UBE3D: variants seen among roughly 807,000 people sequenced by gnomAD.
UBE3D encodes E3 ubiquitin-protein ligase E3D.
A neutral mutation model predicts 49.6 loss-of-function variants in UBE3D; 48 were observed. That is an observed-to-expected ratio of 0.97 (90% confidence interval 0.77 to 1.23). The LOEUF (loss-of-function observed/expected upper bound fraction) is 1.23. Among genes scored for constraint, UBE3D ranks in the 50% most tolerant of loss-of-function variants. The probability of loss-of-function intolerance (pLI) is 0.00; values close to 1 mark genes in which losing one functional copy is unlikely to be tolerated. For synonymous variants in UBE3D, 189 were observed against 174.2 expected (o/e 1.08, Z -0.67); for missense variants, 452 against 468.4 (o/e 0.96, Z 0.32).
At chr6:82,955,474 C>T (rs573512072) in intron 9 of UBE3D, among the ~76,000 whole-genome samples, 1 of 152,232 alleles carries the variant, frequency 6.6e-6, no homozygotes, top group Admixed American at 6.5e-5. Context: ...TGTTTTTCAG[C>T]TTCACTCCTC....
Position 82,969,147 on chromosome 6 carries a change from G to A in UBE3D, c.1011-11697C>T, listed in dbSNP as rs1777159430. Among the ~76,000 whole-genome samples the A allele has an allele frequency of 2.3e-5, 3 of 132,508 alleles. 1 individual carries two copies. The highest frequency in any genetic ancestry group is 9.1e-3 in the Middle Eastern group (2 of 220). 86.9% of individuals were successfully genotyped at this position (132,508 alleles called of 152,430 possible). A position where few individuals can be genotyped will look rare whatever the true frequency, so the allele number is the denominator to read the frequency against. On this transcript the variant is annotated intron_variant, in intron 8 of 9. Coordinates refer to ENST00000369747, the MANE Select transcript of UBE3D (RefSeq NM_198920.3). Reference sequence around the variant, plus strand: ...TTACTTAGAAAGCCTGAGAGACTGTGTTAACAACAAGAGTTAAGAAAATGT... The same window carrying A: ...TTACTTAGAAAGCCTGAGAGACTGTATTAACAACAAGAGTTAAGAAAATGT...
chr6:83,052,676 G>A lies in UBE3D; in HGVS notation c.365+1472C>T, dbSNP rs780394566. ...TTTTGGGGGAGGAGGAATAGGTTGGGGAAAGAGATATGAAATGTGAGGGTG... is the reference window on the plus strand; with the variant it reads ...TTTTGGGGGAGGAGGAATAGGTTGGAGAAAGAGATATGAAATGTGAGGGTG... On this transcript the variant is annotated intron_variant, in intron 3 of 9. Transcript: ENST00000369747. 1.6e-3 allele frequency among the ~76,000 whole-genome samples: 248 copies of A among 152,112 alleles called. 1 individual carries two copies. Among genetic ancestry groups the A allele is most frequent in the Non-Finnish European group, 1.0e-3 (70 of 68,028 alleles).
At chr6:82,944,546 C>T (rs1775258804) in intron 9 of UBE3D, among the ~76,000 whole-genome samples, 1 of 152,142 alleles carries the variant, frequency 6.6e-6, no homozygotes, top group African/African-American at 2.4e-5. Context: ...GCTGTGATGG[C>T]TATGGTGAGA....
At chr6:83,017,054 T>C (rs1780746797) in intron 8 of UBE3D, 2 of 152,176 alleles carry the variant, frequency 1.3e-5, no homozygotes, top group Admixed American at 6.5e-5. Context: ...CCAGGACCAA[T>C]ACTTTGTATC....
At chr6:83,052,182 T>C (rs1463669153) in intron 3 of UBE3D, among the ~76,000 whole-genome samples, 3 of 152,158 alleles carry the variant, frequency 2.0e-5, no homozygotes, top group Non-Finnish European at 2.9e-5. Flanking sequence ...AATAAAAGAA[T>C]TGAGGCACAG....
At chr6:82,931,280 G>C (rs1774129438) in intron 9 of UBE3D, among the ~76,000 whole-genome samples, 1 of 152,256 alleles carries the variant, frequency 6.6e-6, no homozygotes, top group Non-Finnish European at 1.5e-5. Flanking sequence ...AGCCCTCATG[G>C]AGAACTTCTG....
At chr6:82,989,777 T>C (rs3118925) in intron 8 of UBE3D, among the ~76,000 whole-genome samples, 133,240 of 152,174 alleles carry the variant, frequency 0.88, 58,404 homozygotes, top group East Asian at 0.96. Flanking sequence ...AATCCCATCT[T>C]CAAAAAATAC....
At chr6:82,954,209 A>T (rs1194632845) in intron 9 of UBE3D, among the ~76,000 whole-genome samples, 1 of 152,220 alleles carries the variant, frequency 6.6e-6, no homozygotes, top group Non-Finnish European at 1.5e-5. Context: ...AGGAATGATA[A>T]GTCCATCCAT....
chr6:83,024,536 G>C (rs906223314), intron 5 of UBE3D, among the ~76,000 whole-genome samples: 8 of 152,150 alleles, frequency 5.3e-5, no homozygotes, highest in African/African-American at 1.4e-4. Context: ...CAGCTGCTAA[G>C]TGTGTTAATT....
chr6:82,919,129 G>A (rs1773134344), intron 9 of UBE3D, among the ~76,000 whole-genome samples: 1 of 152,098 alleles, frequency 6.6e-6, no homozygotes, highest in South Asian at 2.1e-4. Flanking sequence ...AAAAGACCTG[G>A]TGTTTTGAAT....
At chr6:82,881,035 G>T in the UBE3D span, among the ~76,000 whole-genome samples, 1 of 152,220 alleles carries the variant, frequency 6.6e-6, no homozygotes, top group South Asian at 2.1e-4. Context: ...CCTTCCAAAA[G>T]GTCCCACCTC....
intron 9 of UBE3D, among the ~76,000 whole-genome samples, chr6:82,931,847 G>T (rs987741552): frequency 6.6e-6 from 1 of 152,122 alleles, no homozygotes; most frequent in Non-Finnish European, 1.5e-5. Context: ...ATCTGGGAGG[G>T]GCCGGGGTGA....
chr6:82,922,917 T>C (rs1201158003), intron 9 of UBE3D, among the ~76,000 whole-genome samples: 3 of 152,158 alleles, frequency 2.0e-5, no homozygotes, highest in Non-Finnish European at 4.4e-5. Context: ...CAGACACTTC[T>C]CAAAAGAAGA....
chr6:82,927,669 T>G (rs911241175), intron 9 of UBE3D, among the ~76,000 whole-genome samples: 1 of 152,024 alleles, frequency 6.6e-6, no homozygotes, highest in Admixed American at 6.6e-5. Context: ...ACTTATCCAT[T>G]GCTGGTATGT....
At chr6:82,953,307 T>C (rs1464285372) in intron 9 of UBE3D, among the ~76,000 whole-genome samples, 2 of 152,242 alleles carry the variant, frequency 1.3e-5, no homozygotes, top group Non-Finnish European at 2.9e-5. Context: ...CCATCCTATA[T>C]ATTGATCACT....
intron 1 of UBE3D, among the ~76,000 whole-genome samples, chr6:83,064,213 C>CT (rs879807388): frequency 4.6e-5 from 7 of 151,514 alleles, no homozygotes; most frequent in Admixed American, 1.3e-4. Flanking sequence ...AGTTAGGTTT[C>CT]TTTTTTTTTC....
At chr6:82,943,892 G>C (rs768675243) in intron 9 of UBE3D, among the ~76,000 whole-genome samples, 10 of 152,082 alleles carry the variant, frequency 6.6e-5, no homozygotes, top group Non-Finnish European at 1.2e-4. Context: ...AAACCAAGTG[G>C]AACTCAGCCG....
chr6:82,974,101 G>A (rs1777543779), intron 8 of UBE3D, among the ~76,000 whole-genome samples: 1 of 152,148 alleles, frequency 6.6e-6, no homozygotes, highest in South Asian at 2.1e-4. Flanking sequence ...TGATGCAAAA[G>A]TAATTGGGGT....
chr6:83,009,810 G>C (rs972899351), intron 8 of UBE3D, among the ~76,000 whole-genome samples: 3 of 149,288 alleles, frequency 2.0e-5, no homozygotes, highest in Non-Finnish European at 4.4e-5. Flanking sequence ...GTTAAAAGAA[G>C]TATTAAAGAG....
Sources: gnomAD v4.1 joint callset for allele counts (sites outside exome capture counted in the v4.1 genomes callset) on GRCh38, gnomAD v4.1.1 for gene constraint, MANE v1.5 for transcripts, NCBI Gene and HGNC (gene_info 2026-07-23, HGNC 2026-07-21) for gene names.